The following ROBO2 variants were observed in gnomAD, a reference collection of about 807,000 sequenced individuals.
ROBO2 encodes the protein roundabout guidance receptor 2.
Under a neutral mutation model 160.8 loss-of-function variants are expected in ROBO2, and 53 were observed. The ratio of observed to expected loss-of-function variants is 0.33; its 90% CI spans 0.26 to 0.41. The LOEUF (loss-of-function observed/expected upper bound fraction) is 0.41. ROBO2 is among the 10% of genes least tolerant of loss of function. ROBO2 has a pLI of 1.00. For missense variants in ROBO2, 1,577 were observed against 1,722.4 expected (o/e 0.92, Z 1.49); for synonymous variants, 664 against 611.7 (o/e 1.09, Z -1.26).
intron 2 of ROBO2, among the ~76,000 whole-genome samples, chr3:77,296,628 C>CA (rs1234761071): frequency 6.6e-6 from 1 of 151,996 alleles, no homozygotes; most frequent in Non-Finnish European, 1.5e-5. Flanking sequence ...AGAGTATCCC[C>CA]AGGTGATTGT....
intron 2 of ROBO2, among the ~76,000 whole-genome samples, chr3:77,156,423 C>T (rs565844908): frequency 6.6e-6 from 1 of 152,114 alleles, no homozygotes; most frequent in South Asian, 2.1e-4. Context: ...GCTCAGCAGT[C>T]ACTAAGAACT....
intron 2 of ROBO2, among the ~76,000 whole-genome samples, chr3:76,125,665 CAG>C (rs907411298): frequency 2.6e-5 from 4 of 151,920 alleles, no homozygotes; most frequent in African/African-American, 9.7e-5. Flanking sequence ...GAGGCAAACA[CAG>C]AAACATTTTA....
chr3:76,972,614 T>C (rs2059625956), intron 2 of ROBO2, among the ~76,000 whole-genome samples: 3 of 152,088 alleles, frequency 2.0e-5, no homozygotes, highest in Admixed American at 2.0e-4. Flanking sequence ...TCCCAGTGCT[T>C]TGGGAAGCCG....
At chr3:76,169,140 C>A (rs1283516758) in intron 2 of ROBO2, among the ~76,000 whole-genome samples, 1 of 152,022 alleles carries the variant, frequency 6.6e-6, no homozygotes, top group Non-Finnish European at 1.5e-5. Flanking sequence ...CTAGAAGATA[C>A]CTTAGAAAGT....
At chr3:76,017,250 A>G (rs1174486882) in intron 2 of ROBO2, among the ~76,000 whole-genome samples, 2 of 152,280 alleles carry the variant, frequency 1.3e-5, no homozygotes, top group Non-Finnish European at 2.9e-5. Flanking sequence ...CAATCCCTCT[A>G]GTTATGCAAA....
chr3:77,154,933 G>A (rs1270546970), intron 2 of ROBO2, among the ~76,000 whole-genome samples: 2 of 151,920 alleles, frequency 1.3e-5, no homozygotes. Flanking sequence ...CAGTACCTGA[G>A]TGATGGGATT....
intron 2 of ROBO2, among the ~76,000 whole-genome samples, chr3:76,329,757 T>TA (rs1384973697): frequency 1.3e-5 from 2 of 152,216 alleles, no homozygotes; most frequent in East Asian, 3.9e-4. Context: ...AATTTTGAAG[T>TA]AAATTTCTTC....
chr3:76,383,668 G>T (rs1444760835), intron 2 of ROBO2, among the ~76,000 whole-genome samples: 1 of 151,834 alleles, frequency 6.6e-6, no homozygotes, highest in Non-Finnish European at 1.5e-5. Flanking sequence ...CTGATGTGCC[G>T]CAACTGCCAA....
At chr3:76,049,879 C>T (rs929101481) in intron 2 of ROBO2, among the ~76,000 whole-genome samples, 3 of 151,950 alleles carry the variant, frequency 2.0e-5, no homozygotes, top group Non-Finnish European at 2.9e-5. Flanking sequence ...TGCCTCCTGC[C>T]GCAGTGTATT....
chr3:77,253,541 A>T lies in ROBO2; in HGVS notation c.388+155201A>T, dbSNP rs114875686. 2.6e-3 allele frequency among the ~76,000 whole-genome samples: 395 copies of T among 152,356 alleles called. 5 individuals carry two copies. The highest frequency in any genetic ancestry group is 8.4e-3 in the African/African-American group (349 of 41,592). On this transcript the variant is annotated intron_variant, in intron 2 of 25. Transcript: ENST00000461745. The stretch of plus-strand genomic sequence containing the variant: ...AATCTATTATGAGGTGTCTGTCCCA[A>T]TGTGAAACAAAGTTTTCCCTAGGTG...
chr3:76,371,302 T>C (rs1328271034), intron 2 of ROBO2, among the ~76,000 whole-genome samples: 3 of 151,982 alleles, frequency 2.0e-5, no homozygotes, highest in Non-Finnish European at 4.4e-5. Context: ...CATAAAAATA[T>C]CTTAATCAGA....
chr3:76,924,474 T>C (rs2076856122), intron 2 of ROBO2, among the ~76,000 whole-genome samples: 1 of 152,222 alleles, frequency 6.6e-6, no homozygotes, highest in African/African-American at 2.4e-5. Flanking sequence ...GCCTTGATCT[T>C]GGGCTTCCTA....
At chr3:76,125,941 C>T (rs990204758) in intron 2 of ROBO2, among the ~76,000 whole-genome samples, 3 of 152,106 alleles carry the variant, frequency 2.0e-5, no homozygotes, top group African/African-American at 7.2e-5. Context: ...ATTCTCCTGT[C>T]TCAGCCTCCC....
chr3:77,129,177 T>C (rs897654099), intron 2 of ROBO2, among the ~76,000 whole-genome samples: 15 of 152,016 alleles, frequency 9.9e-5, no homozygotes, highest in African/African-American at 3.6e-4. Context: ...ATTATGTGTC[T>C]TTATTTTTCA....
At chr3:76,434,074 G>A in intron 2 of ROBO2, 2 of 1,317,512 alleles carry the variant, frequency 1.5e-6, no homozygotes, top group Non-Finnish European at 2.2e-6. Flanking sequence ...GCCTCCTGGA[G>A]GCAGTATCCC....
At chr3:76,290,509 T>C (rs1342055903) in intron 2 of ROBO2, among the ~76,000 whole-genome samples, 1 of 152,152 alleles carries the variant, frequency 6.6e-6, no homozygotes, top group South Asian at 2.1e-4. Context: ...GGATGCTTTT[T>C]ATTTATTTCT....
intron 2 of ROBO2, among the ~76,000 whole-genome samples, chr3:76,667,972 A>G (rs565585428): frequency 6.6e-6 from 1 of 152,166 alleles, no homozygotes; most frequent in South Asian, 2.1e-4. Flanking sequence ...ACATATCTCA[A>G]AAATTTGTAA....
intron 2 of ROBO2, among the ~76,000 whole-genome samples, chr3:77,363,073 G>A (rs1484978985): frequency 2.6e-5 from 4 of 152,104 alleles, no homozygotes; most frequent in South Asian, 4.1e-4. Flanking sequence ...ATACATAGAT[G>A]AGGCATCAAG....
chr3:76,258,720 C>T (rs901186214), intron 2 of ROBO2, among the ~76,000 whole-genome samples: 2 of 151,876 alleles, frequency 1.3e-5, no homozygotes, highest in Admixed American at 6.6e-5. Context: ...TTGTTTGATT[C>T]GTCTTCCTCA....
Sources: allele counts gnomAD v4.1 joint callset (sites outside exome capture counted in the v4.1 genomes callset), GRCh38; gene constraint gnomAD v4.1.1; transcripts MANE v1.5; gene names NCBI Gene and HGNC (gene_info 2026-07-23, HGNC 2026-07-21).